Variants in SSH2 observed in about 807,000 individuals in gnomAD.
The protein encoded by SSH2 is slingshot protein phosphatase 2, also known as protein phosphatase Slingshot homolog 2.
In SSH2, 37 loss-of-function variants were observed where a neutral mutation model predicts 135.2. That is an observed-to-expected ratio of 0.27 (90% CI 0.21 to 0.36). The LOEUF is 0.36. Ranked by LOEUF, SSH2 falls within the 10% of genes least tolerant of loss-of-function variation. The pLI is 1.00. For synonymous variants in SSH2, 628 were observed against 646.2 expected (o/e 0.97, Z 0.43); for missense variants, 1,408 against 1,765.3 (o/e 0.80, Z 3.63).
At chr17:29,925,526 G>A in intron 1 of SSH2, 1 of 398,298 alleles carries the variant, frequency 2.5e-6, no homozygotes, top group Non-Finnish European at 4.4e-6. Context: ...GACCAGCCTG[G>A]GCAGCAAGAC....
chr17:29,700,307 AT>A (rs1368973687), intron 4 of SSH2, among the ~76,000 whole-genome samples: 3 of 151,786 alleles, frequency 2.0e-5, no homozygotes, highest in Admixed American at 2.0e-4. Flanking sequence ...GCTGACTTTT[AT>A]TTTTTTTCCC....
At chr17:29,802,055 G>A (rs953479272) in intron 2 of SSH2, among the ~76,000 whole-genome samples, 5 of 152,024 alleles carry the variant, frequency 3.3e-5, no homozygotes, top group African/African-American at 1.2e-4. Context: ...GAAAGATGAG[G>A]TCTCGCTATG....
chr17:29,849,533 C>A (rs1396459922), intron 1 of SSH2, among the ~76,000 whole-genome samples: 1 of 149,494 alleles, frequency 6.7e-6, no homozygotes, highest in Admixed American at 6.7e-5. Context: ...AGTATGTACT[C>A]TGAACTCTTC....
At chr17:29,748,059 AAG>A (rs1323866064) in intron 3 of SSH2, among the ~76,000 whole-genome samples, 2 of 152,346 alleles carry the variant, frequency 1.3e-5, no homozygotes, top group East Asian at 3.9e-4. Context: ...ACTTATCAAA[AAG>A]AAATCTTGAC....
chr17:29,681,604 T>C (rs1490902625), intron 6 of SSH2, among the ~76,000 whole-genome samples: 1 of 151,828 alleles, frequency 6.6e-6, no homozygotes, highest in Non-Finnish European at 1.5e-5. Flanking sequence ...GCTCTATTAT[T>C]TTATAACTTA....
chr17:29,808,309 A>G (rs1159186202), intron 2 of SSH2, among the ~76,000 whole-genome samples: 6 of 152,108 alleles, frequency 3.9e-5, no homozygotes, highest in Non-Finnish European at 8.8e-5. Context: ...TTGTACTTTT[A>G]GTAGAGACGG....
intron 1 of SSH2, among the ~76,000 whole-genome samples, chr17:29,901,211 T>C (rs1412022964): frequency 6.6e-6 from 1 of 151,994 alleles, no homozygotes; most frequent in Admixed American, 6.6e-5. Context: ...CACACCAACA[T>C]GGCATATGTA....
intron 3 of SSH2, among the ~76,000 whole-genome samples, chr17:29,743,561 T>C (rs1030767138): frequency 1.3e-5 from 2 of 152,206 alleles, no homozygotes; most frequent in Non-Finnish European, 2.9e-5. Flanking sequence ...CATAGTAGAC[T>C]ACGATAACTG....
At chr17:29,760,599 T>C (rs1361350855) in intron 3 of SSH2, among the ~76,000 whole-genome samples, 1 of 152,064 alleles carries the variant, frequency 6.6e-6, no homozygotes, top group East Asian at 1.9e-4. Flanking sequence ...TGTGAGCACG[T>C]ACCAGTAGTA....
chr17:29,797,862 T>A (rs1020495623), intron 2 of SSH2, among the ~76,000 whole-genome samples: 3 of 151,862 alleles, frequency 2.0e-5, no homozygotes, highest in Non-Finnish European at 4.4e-5. Flanking sequence ...CATTCCAACC[T>A]GAGAGACAGA....
rs537217616 is a variant in SSH2 at position 29,885,699 on chromosome 17, T to A, written c.64-36770A>T. Among the ~76,000 whole-genome samples the A allele has an allele frequency of 2.7e-4, 41 of 152,254 alleles. 1 individual carries two copies. In the South Asian group the frequency reaches 8.5e-3, roughly 32 times the overall value. On this transcript the variant is annotated intron_variant, in intron 1 of 15. Coordinates refer to ENST00000540801, the MANE Select transcript of SSH2 (RefSeq NM_001282129.2). ...TTGTAGCTCCCATAATTCCCACATGTGATGGGAGGGAGCCAGTGGGAGGTA... is the reference window on the plus strand; with the variant it reads ...TTGTAGCTCCCATAATTCCCACATGAGATGGGAGGGAGCCAGTGGGAGGTA...
chr17:29,819,635 TTCTA>T (rs1466355584), intron 2 of SSH2, among the ~76,000 whole-genome samples: 6 of 152,228 alleles, frequency 3.9e-5, no homozygotes, highest in Admixed American at 1.3e-4. Flanking sequence ...TAGCTTTCAG[TTCTA>T]TCTATGTGTA....
At chr17:29,664,459 T>C (rs1388903816) in intron 11 of SSH2, among the ~76,000 whole-genome samples, 1 of 152,110 alleles carries the variant, frequency 6.6e-6, no homozygotes, top group Non-Finnish European at 1.5e-5. Context: ...ATAAATATGA[T>C]AATCTGTTGT....
chr17:29,667,337 C>A, intron 9 of SSH2, 114 bp from the exon 10 acceptor site: 1 of 821,024 alleles, frequency 1.2e-6, no homozygotes, highest in Non-Finnish European at 1.9e-6. Context: ...AATCCTTTTC[C>A]AAAATCGGTT....
intron 2 of SSH2, among the ~76,000 whole-genome samples, chr17:29,822,316 A>T (rs186012238): frequency 1.3e-5 from 2 of 152,306 alleles, no homozygotes; most frequent in African/African-American, 4.8e-5. Context: ...TACTGTTAAA[A>T]TGATGTCATA....
intron 1 of SSH2, among the ~76,000 whole-genome samples, chr17:29,898,047 G>A (rs914645437): frequency 5.3e-5 from 8 of 152,128 alleles, no homozygotes; most frequent in Non-Finnish European, 1.0e-4. Flanking sequence ...ATAATGAAAT[G>A]AAGGCAGAAA....
chr17:29,884,016 G>C (rs111301916), intron 1 of SSH2, among the ~76,000 whole-genome samples: 14 of 152,154 alleles, frequency 9.2e-5, no homozygotes, highest in African/African-American at 3.4e-4. Flanking sequence ...AGGTTACTAT[G>C]TTGCCCAGGC....
intron 3 of SSH2, among the ~76,000 whole-genome samples, chr17:29,792,717 C>T (rs144758967): frequency 6.6e-6 from 1 of 152,314 alleles, no homozygotes; most frequent in African/African-American, 2.4e-5. Flanking sequence ...CGCTCTGTAG[C>T]CCAAGCTGGA....
intron 12 of SSH2, among the ~76,000 whole-genome samples, chr17:29,652,652 A>ATTAT (rs1356506715): frequency 6.6e-6 from 1 of 152,024 alleles, no homozygotes; most frequent in African/African-American, 2.4e-5. Context: ...ATTTTATTTT[A>ATTAT]TTATTTATTT....
Sources: gnomAD v4.1 joint callset for allele counts (sites outside exome capture counted in the v4.1 genomes callset) on GRCh38, gnomAD v4.1.1 for gene constraint, MANE v1.5 for transcripts, NCBI Gene and HGNC (gene_info 2026-07-23, HGNC 2026-07-21) for gene names.